DST: variants seen among roughly 807,000 people sequenced by gnomAD.
DST encodes bullous pemphigoid antigen.
In DST, 253 loss-of-function variants were observed where a neutral mutation model predicts 875.2. The observed-to-expected ratio is 0.29, with a 90% CI of 0.26 to 0.32. The LOEUF is 0.32. Ranked by LOEUF, DST falls within the 10% of genes least tolerant of loss-of-function variation. The probability of loss-of-function intolerance (pLI) is 1.00; values close to 1 mark genes in which losing one functional copy is unlikely to be tolerated. For missense variants in DST, 8,287 were observed against 9,111.6 expected, an observed-to-expected ratio of 0.91 and a Z score of 3.68; for synonymous variants, 3,124 against 3,197.1, an observed-to-expected ratio of 0.98 and a Z score of 0.77.
intron 3 of DST, among the ~76,000 whole-genome samples, chr6:56,878,298 T>G (rs60777094): frequency 0.027 from 4,160 of 152,210 alleles, 186 homozygotes; most frequent in African/African-American, 0.095. Flanking sequence ...AGGAGACACC[T>G]TGAAGGGTAA....
At chr6:56,725,413 A>G (rs1051589771) in intron 5 of DST, among the ~76,000 whole-genome samples, 11 of 152,118 alleles carry the variant, frequency 7.2e-5, no homozygotes, top group African/African-American at 2.7e-4. Flanking sequence ...CACAGACTAC[A>G]GTGAATGAGG....
rs181885594 is a variant in DST at position 56,505,384 on chromosome 6, C to T, written c.19464+1059G>A. On this transcript the variant is annotated intron_variant, in intron 77 of 103. Transcript: ENST00000680361. The stretch of plus-strand genomic sequence containing the variant: ...TCTAGCCATGGAAGAGATTACAACT[C>T]AATGATTTAACAATGACCTAGCCTC... Among the ~76,000 whole-genome samples, 7 of 150,224 alleles carry T rather than the reference C, an allele frequency of 4.7e-5. No homozygotes were observed. In the East Asian group the frequency reaches 1.4e-3, roughly 30 times the overall value.
chr6:56,658,240 T>C (rs1445396936), intron 10 of DST, among the ~76,000 whole-genome samples: 1 of 152,154 alleles, frequency 6.6e-6, no homozygotes, highest in Non-Finnish European at 1.5e-5. Flanking sequence ...TTTTACATAT[T>C]TGAGAGAAAA....
At chr6:56,883,112 C>A (rs1401580668) in intron 3 of DST, among the ~76,000 whole-genome samples, 1 of 152,216 alleles carries the variant, frequency 6.6e-6, no homozygotes, top group Non-Finnish European at 1.5e-5. Context: ...AGGTGATCCA[C>A]CCACCTTGGC....
At chr6:56,472,360 T>A in intron 93 of DST, 138 bp from the exon 94 acceptor site, 2 of 735,470 alleles carry the variant, frequency 2.7e-6, no homozygotes, top group Non-Finnish European at 4.4e-6. Flanking sequence ...CTAATTTAGA[T>A]GATGTATAAT....
intron 4 of DST, among the ~76,000 whole-genome samples, chr6:56,839,849 C>T (rs962774054): frequency 6.6e-6 from 1 of 152,170 alleles, no homozygotes; most frequent in Non-Finnish European, 1.5e-5. Context: ...ACAGAGAAAA[C>T]TTTGCCTATT....
At chr6:56,763,347 C>G (rs1414675769) in intron 4 of DST, among the ~76,000 whole-genome samples, 1 of 152,046 alleles carries the variant, frequency 6.6e-6, no homozygotes, top group Non-Finnish European at 1.5e-5. Flanking sequence ...CCAACATGTC[C>G]TAGCTTTTCA....
chr6:56,800,043 C>T (rs891381929), intron 4 of DST, among the ~76,000 whole-genome samples: 1 of 152,164 alleles, frequency 6.6e-6, no homozygotes, highest in African/African-American at 2.4e-5. Context: ...GAAGCCAAAA[C>T]ATTTCTCTGA....
At chr6:56,870,926 G>A (rs1400936893) in intron 3 of DST, among the ~76,000 whole-genome samples, 1 of 151,874 alleles carries the variant, frequency 6.6e-6, no homozygotes, top group African/African-American at 2.4e-5. Context: ...TTAGGAATAA[G>A]AGACTGTCAA....
chr6:56,703,774 G>A (rs2099321007), intron 6 of DST, 28 bp from the exon 7 acceptor site: 1 of 831,218 alleles, frequency 1.2e-6, no homozygotes, highest in Non-Finnish European at 1.4e-6. Context: ...CAGAAGATAG[G>A]ACAGCAAAGA....
At position 56,592,270 on chromosome 6, in the gene DST, T is replaced by G; in HGVS notation, c.12815A>C (p.Gln4272Pro). ...DASCGLLAGL[Q>P]ACEATASKHL... ...TTTGCTCGCTGTGGCCTCACAGGCC[T>G]GGAGTCCAGCAAGAAGTCCACATGA... The change falls in exon 49 of 104, where the codon CAG (glutamine) becomes CCG (proline). Residue 4272 changes from glutamine (Q) to proline (P), a missense_variant. By Grantham distance (76) the Gln-to-Pro change is moderately conservative (BLOSUM62 -1). Coordinates refer to ENST00000680361, the MANE Select transcript of DST (RefSeq NM_001374736.1). The G allele has an allele frequency of 6.2e-7, 1 of 1,612,696 alleles. No individual in the cohort carries two copies. The highest frequency in any genetic ancestry group is 1.1e-5 in the South Asian group (1 of 90,716).
At chr6:56,760,648 T>A (rs897037196) in intron 4 of DST, among the ~76,000 whole-genome samples, 2 of 152,228 alleles carry the variant, frequency 1.3e-5, no homozygotes, top group African/African-American at 2.4e-5. Context: ...AAATGCATCC[T>A]TGATTTTCCC....
intron 92 of DST, among the ~76,000 whole-genome samples, chr6:56,474,741 C>T (rs532504462): frequency 1.1e-4 from 16 of 152,062 alleles, no homozygotes; most frequent in African/African-American, 3.6e-4. Flanking sequence ...ATTTCACCTA[C>T]ATATTTGAAA....
At chr6:56,634,332 T>G in intron 26 of DST, 74 bp from the exon 27 acceptor site, 5 of 1,610,032 alleles carry the variant, frequency 3.1e-6, no homozygotes, top group Non-Finnish European at 4.2e-6. Flanking sequence ...TTTCTTTTTG[T>G]GTGAAATATT....
At chr6:56,662,492 G>C (rs1245482124) in intron 10 of DST, among the ~76,000 whole-genome samples, 1 of 152,186 alleles carries the variant, frequency 6.6e-6, no homozygotes, top group Non-Finnish European at 1.5e-5. Flanking sequence ...GGTAACAAGT[G>C]CCTGCTGTAG....
chr6:56,627,401 C>T (rs1196372261), intron 33 of DST, 114 bp from the exon 34 acceptor site: 2 of 798,634 alleles, frequency 2.5e-6, no homozygotes, highest in Non-Finnish European at 2.2e-6. Context: ...GCTCCTTAGC[C>T]CTTTGCACTT....
At chr6:56,756,175 C>G (rs535162956) in intron 4 of DST, among the ~76,000 whole-genome samples, 2 of 152,140 alleles carry the variant, frequency 1.3e-5, no homozygotes, top group South Asian at 2.1e-4. Flanking sequence ...CACTCCCTAT[C>G]TGGTACCGTG....
intron 2 of DST, among the ~76,000 whole-genome samples, chr6:56,901,300 A>G (rs1793952745): frequency 6.6e-6 from 1 of 152,252 alleles, no homozygotes; most frequent in African/African-American, 2.4e-5. Flanking sequence ...TAACATAAAT[A>G]TAAGTAAAAT....
rs2095024459 is a variant in DST, at chr6:56,473,758, G to A, written c.21994+115C>T. 11 of 939,232 alleles carry A rather than the reference G, an allele frequency of 1.2e-5. 2 individuals are homozygous for A. The South Asian group carries it at 1.8e-4, about 15-fold the overall frequency. The allele number at this position is 939,232 out of a possible 1,614,324, so 58.2% of individuals were successfully genotyped here. ...GTATTCCTTCTAGAAAGTATTTCATGATATCAAGTGCTCATGTAAAATCAC... is the reference window on the plus strand; with the variant it reads ...GTATTCCTTCTAGAAAGTATTTCATAATATCAAGTGCTCATGTAAAATCAC... On this transcript the variant is annotated intron_variant, in intron 93 of 103. Transcript: ENST00000680361.
Sources: gnomAD v4.1 joint callset for allele counts (sites outside exome capture counted in the v4.1 genomes callset) on GRCh38, gnomAD v4.1.1 for gene constraint, MANE v1.5 for transcripts, NCBI Gene and HGNC (gene_info 2026-07-23, HGNC 2026-07-21) for gene names.